Variants in DNM3 observed in about 807,000 individuals in gnomAD.
DNM3 encodes the protein dynamin 3.
In DNM3, 47 loss-of-function variants were observed where a neutral mutation model predicts 101.6. That is an observed-to-expected ratio of 0.46 (90% CI 0.37 to 0.59). The LOEUF (loss-of-function observed/expected upper bound fraction) is 0.59. Ranked by LOEUF, DNM3 falls within the 20% of genes least tolerant of loss-of-function variation. The pLI, the probability that DNM3 is intolerant of heterozygous loss-of-function variation, is 0.00. For missense variants in DNM3, 849 were observed against 1,085.7 expected, an observed-to-expected ratio of 0.78 and a Z score of 3.06; for synonymous variants, 385 against 387.9, an observed-to-expected ratio of 0.99 and a Z score of 0.09.
chr1:172,184,502 A>G (rs1433342543), intron 14 of DNM3, among the ~76,000 whole-genome samples: 1 of 152,138 alleles, frequency 6.6e-6, no homozygotes, highest in Admixed American at 6.6e-5. Flanking sequence ...AATGACCCTC[A>G]ACACAGTAAT....
chr1:172,222,455 G>T (rs2060943002), intron 14 of DNM3, among the ~76,000 whole-genome samples: 1 of 152,138 alleles, frequency 6.6e-6, no homozygotes, highest in Non-Finnish European at 1.5e-5. Context: ...TGGTGAAGAG[G>T]CCAAGGTTTG....
intron 14 of DNM3, chr1:172,144,580 C>T (rs754471293): frequency 5.6e-6 from 3 of 532,422 alleles, no homozygotes; most frequent in South Asian, 4.2e-5. Context: ...TACTGTACAA[C>T]GGCATTGTCC....
rs1573797965 is a variant in DNM3, at chr1:172,412,325, T to G, written c.*4484T>G. On this transcript the variant is annotated 3_prime_UTR_variant, in exon 21 of 21. Coordinates refer to ENST00000627582, the MANE Select transcript of DNM3 (RefSeq NM_015569.5). ...CCACTTGCCTTGTCTGCTACCAGTT[T>G]GTTAAAAATTATTCCCCCCAACCAG... The G allele has an allele frequency of 9.1e-6, 9 of 985,584 alleles. No homozygotes were observed. The South Asian group carries it at 4.2e-4, about 46-fold the overall frequency. The allele number at this position is 985,584 out of a possible 1,614,324, so 61.1% of individuals were successfully genotyped here.
chr1:172,418,285 C>A (rs1573812095), exon 21 of DNM3: 1 of 1,288,998 alleles, frequency 7.8e-7, no homozygotes, highest in South Asian at 1.2e-5. Flanking sequence ...TACTAGGCGA[C>A]CCCCTCCTGC....
chr1:171,936,301 A>G (rs2041416105), intron 2 of DNM3, among the ~76,000 whole-genome samples: 1 of 152,070 alleles, frequency 6.6e-6, no homozygotes, highest in Non-Finnish European at 1.5e-5. Context: ...GCCAAGCCCA[A>G]GATCACACCA....
At chr1:172,240,213 G>A (rs557003109) in intron 14 of DNM3, among the ~76,000 whole-genome samples, 4 of 152,214 alleles carry the variant, frequency 2.6e-5, no homozygotes, top group Admixed American at 2.0e-4. Context: ...ACCTACAACA[G>A]TTCAACAGTC....
At chr1:172,109,443 C>T (rs1413986185) in intron 13 of DNM3, among the ~76,000 whole-genome samples, 1 of 152,166 alleles carries the variant, frequency 6.6e-6, no homozygotes, top group African/African-American at 2.4e-5. Context: ...AGGAAGGAAC[C>T]ATGTCATCCT....
chr1:171,848,702 T>G (rs2032532012), intron 1 of DNM3, among the ~76,000 whole-genome samples: 1 of 152,240 alleles, frequency 6.6e-6, no homozygotes, highest in South Asian at 2.1e-4. Context: ...TCTTTTTGTG[T>G]GTGTGTTTGC....
At chr1:172,289,829 T>G in intron 15 of DNM3, 1 of 983,936 alleles carries the variant, frequency 1.0e-6, no homozygotes, top group Non-Finnish European at 1.2e-6. Context: ...TTAATTTATC[T>G]GAAGTGGTTT....
At chr1:171,930,210 C>A (rs1021430686) in intron 2 of DNM3, among the ~76,000 whole-genome samples, 1 of 151,564 alleles carries the variant, frequency 6.6e-6, no homozygotes, top group Non-Finnish European at 1.5e-5. Flanking sequence ...GGCGAAGTCA[C>A]CCCAACAGCA....
At chr1:172,269,547 T>A (rs987844059) in intron 15 of DNM3, among the ~76,000 whole-genome samples, 1 of 152,210 alleles carries the variant, frequency 6.6e-6, no homozygotes, top group African/African-American at 2.4e-5. Context: ...CTATTCTACC[T>A]TAAAAGAGAT....
chr1:172,404,208 G>A (rs2070717531), intron 20 of DNM3, among the ~76,000 whole-genome samples: 1 of 152,020 alleles, frequency 6.6e-6, no homozygotes, highest in Non-Finnish European at 1.5e-5. Flanking sequence ...TAGTTACTTT[G>A]AGAGAACATG....
At chr1:171,882,427 C>T (rs1169580627) in intron 1 of DNM3, among the ~76,000 whole-genome samples, 1 of 98,202 alleles carries the variant, frequency 1.0e-5, no homozygotes, top group East Asian at 3.5e-4. Flanking sequence ...CTGTCTCTCT[C>T]TATACACACA....
intron 20 of DNM3, among the ~76,000 whole-genome samples, chr1:172,399,583 A>AT (rs1237151425): frequency 6.6e-6 from 1 of 152,114 alleles, no homozygotes; most frequent in African/African-American, 2.4e-5. Context: ...ACTTAGTCAC[A>AT]TATTTGTTCA....
At chr1:172,070,252 C>T (rs901298927) in intron 11 of DNM3, among the ~76,000 whole-genome samples, 2 of 152,124 alleles carry the variant, frequency 1.3e-5, no homozygotes, top group Non-Finnish European at 2.9e-5. Flanking sequence ...GTATTAACTC[C>T]TGAGTCAGTG....
intron 2 of DNM3, among the ~76,000 whole-genome samples, chr1:171,951,224 G>A (rs1007785258): frequency 1.3e-5 from 2 of 152,078 alleles, no homozygotes; most frequent in African/African-American, 4.8e-5. Flanking sequence ...ATTCCCTCCT[G>A]TTCTTTTACC....
intron 4 of DNM3, among the ~76,000 whole-genome samples, chr1:171,991,863 G>A (rs921378542): frequency 4.6e-5 from 7 of 152,172 alleles, no homozygotes; most frequent in African/African-American, 7.2e-5. Flanking sequence ...CTAAAAATGC[G>A]TACCGCAATA....
At chr1:171,854,618 T>C (rs1370669395) in intron 1 of DNM3, among the ~76,000 whole-genome samples, 1 of 152,164 alleles carries the variant, frequency 6.6e-6, no homozygotes, top group Non-Finnish European at 1.5e-5. Flanking sequence ...CTGGTTTACA[T>C]GAAATCTTTC....
At chr1:172,276,534 A>T (rs1300439614) in intron 15 of DNM3, among the ~76,000 whole-genome samples, 1 of 150,222 alleles carries the variant, frequency 6.7e-6, no homozygotes, top group Non-Finnish European at 1.5e-5. Flanking sequence ...TTAGCTTGTA[A>T]TAATCACAGA....
Sources: allele counts gnomAD v4.1 joint callset (sites outside exome capture counted in the v4.1 genomes callset), GRCh38; gene constraint gnomAD v4.1.1; transcripts MANE v1.5; gene names NCBI Gene and HGNC (gene_info 2026-07-23, HGNC 2026-07-21).